Variants in PLCL2 observed in about 807,000 individuals in gnomAD.
PLCL2 encodes the protein phospholipase C like 2.
PLCL2 carries 4 observed loss-of-function variants against 79.6 expected under a neutral mutation model. The ratio of observed to expected loss-of-function variants is 0.05; its 90% CI spans 0.02 to 0.11. The LOEUF (loss-of-function observed/expected upper bound fraction) is 0.11. Ranked by LOEUF, PLCL2 falls within the 10% of genes least tolerant of loss-of-function variation. The pLI is 1.00. For missense variants in PLCL2, 895 were observed against 1,291.0 expected (o/e 0.69, Z 4.70); for synonymous variants, 484 against 457.7 (o/e 1.06, Z -0.73).
intron 1 of PLCL2, among the ~76,000 whole-genome samples, chr3:16,888,813 G>A (rs1457052810): frequency 6.6e-6 from 1 of 152,194 alleles, no homozygotes; most frequent in Non-Finnish European, 1.5e-5. Flanking sequence ...GTCTATTGCT[G>A]TGGATGATTT....
chr3:17,084,771 C>T (rs2065199758), intron 5 of PLCL2, among the ~76,000 whole-genome samples: 1 of 152,132 alleles, frequency 6.6e-6, no homozygotes, highest in Non-Finnish European at 1.5e-5. Flanking sequence ...TAGAGAGGAC[C>T]TTACTCAACT....
intron 1 of PLCL2, among the ~76,000 whole-genome samples, chr3:16,975,900 C>G (rs1325437684): frequency 1.3e-5 from 2 of 152,158 alleles, no homozygotes; most frequent in Admixed American, 6.5e-5. Context: ...GTGTAGCTCT[C>G]TTTGGCTCAG....
intron 3 of PLCL2, among the ~76,000 whole-genome samples, chr3:17,031,660 A>G (rs1272678005): frequency 6.6e-6 from 1 of 152,178 alleles, no homozygotes; most frequent in African/African-American, 2.4e-5. Flanking sequence ...AAGGTTTCCC[A>G]CAGTAATCAT....
intron 1 of PLCL2, among the ~76,000 whole-genome samples, chr3:16,906,808 T>C (rs1272533464): frequency 6.6e-6 from 1 of 152,212 alleles, no homozygotes; most frequent in Non-Finnish European, 1.5e-5. Context: ...CAGGCAATAA[T>C]TTGTGACTAG....
chr3:16,916,838 T>C (rs1225734663), intron 1 of PLCL2, among the ~76,000 whole-genome samples: 1 of 152,152 alleles, frequency 6.6e-6, no homozygotes, highest in African/African-American at 2.4e-5. Flanking sequence ...GGCTGTATGG[T>C]TACTTATATC....
At chr3:16,937,263 C>G (rs900055935) in intron 1 of PLCL2, among the ~76,000 whole-genome samples, 1 of 152,132 alleles carries the variant, frequency 6.6e-6, no homozygotes, top group African/African-American at 2.4e-5. Flanking sequence ...CCGGGAGGAA[C>G]CCTGTAACTA....
chr3:17,090,091 A>G lies in PLCL2; in HGVS notation c.*179A>G, dbSNP rs112083788. ...ATGTAGCAATCCTGCGTGTGAAGGC[A>G]AATAAACTCTTTAACAGGCAATTAT... On this transcript the variant is annotated 3_prime_UTR_variant, in exon 6 of 6. Transcript: ENST00000615277. 16 of 1,313,894 alleles carry G rather than the reference A, an allele frequency of 1.2e-5. No individual in the cohort carries two copies. The highest frequency in any genetic ancestry group is 1.2e-4 in the African/African-American group (8 of 66,992). The allele number at this position is 1,313,894 out of a possible 1,614,324, so 81.4% of individuals were successfully genotyped here.
chr3:16,941,482 A>G (rs1247107173), intron 1 of PLCL2, among the ~76,000 whole-genome samples: 1 of 152,112 alleles, frequency 6.6e-6, no homozygotes, highest in African/African-American at 2.4e-5. Context: ...GACAGTCACG[A>G]CGCCCCTGTC....
intron 5 of PLCL2, among the ~76,000 whole-genome samples, chr3:17,087,185 T>C (rs572682590): frequency 2.8e-4 from 43 of 152,166 alleles, no homozygotes; most frequent in Non-Finnish European, 5.7e-4. Context: ...GAAACTTATG[T>C]CAACACAAAA....
chr3:16,995,066 T>C (rs1049258590), intron 1 of PLCL2, among the ~76,000 whole-genome samples: 15 of 152,214 alleles, frequency 9.9e-5, no homozygotes, highest in South Asian at 6.2e-4. Context: ...AAGCAGGTGG[T>C]CACATTGTCC....
chr3:16,952,376 A>AAAAAAC (rs2063662863), intron 1 of PLCL2, among the ~76,000 whole-genome samples: 1 of 148,374 alleles, frequency 6.7e-6, no homozygotes, highest in Non-Finnish European at 1.5e-5. Context: ...AAAAAAAAAA[A>AAAAAAC]AAAAAAAAAA....
intron 1 of PLCL2, among the ~76,000 whole-genome samples, chr3:17,001,637 G>T (rs1559514007): frequency 6.6e-6 from 1 of 152,028 alleles, no homozygotes; most frequent in East Asian, 1.9e-4. Flanking sequence ...TGTTCTTGGT[G>T]CCTTTGTTGA....
At chr3:17,051,942 G>A (rs2064844090) in intron 4 of PLCL2, among the ~76,000 whole-genome samples, 1 of 152,018 alleles carries the variant, frequency 6.6e-6, no homozygotes, top group Non-Finnish European at 1.5e-5. Flanking sequence ...CAAGCACAAT[G>A]TCTCCAAGTC....
At chr3:17,086,474 A>C (rs1236864030) in intron 5 of PLCL2, among the ~76,000 whole-genome samples, 3 of 152,262 alleles carry the variant, frequency 2.0e-5, no homozygotes, top group African/African-American at 7.2e-5. Context: ...ACAAAGCTAT[A>C]GAATTCCTAG....
chr3:16,902,853 CGTGTGT>C (rs1219764598), intron 1 of PLCL2, among the ~76,000 whole-genome samples: 3 of 42,248 alleles, frequency 7.1e-5, no homozygotes, highest in East Asian at 2.4e-3. Context: ...AAATGCAGTG[CGTGTGT>C]GTGTGTGTGT....
At chr3:16,939,367 A>G (rs1293193762) in intron 1 of PLCL2, among the ~76,000 whole-genome samples, 2 of 152,220 alleles carry the variant, frequency 1.3e-5, no homozygotes, top group Non-Finnish European at 2.9e-5. Flanking sequence ...GGGACATGGA[A>G]CTATGAAAGT....
At chr3:17,088,391 A>G (rs985122472) in intron 5 of PLCL2, among the ~76,000 whole-genome samples, 2 of 152,198 alleles carry the variant, frequency 1.3e-5, no homozygotes, top group South Asian at 2.1e-4. Flanking sequence ...CAGAGGAATC[A>G]TAAAGAAAAT....
intron 1 of PLCL2, among the ~76,000 whole-genome samples, chr3:16,952,872 A>G (rs2063667086): frequency 6.6e-6 from 1 of 152,046 alleles, no homozygotes; most frequent in South Asian, 2.1e-4. Context: ...CAACTTACCG[A>G]GGGCAGCTTA....
chr3:16,993,356 T>C (rs116440969), intron 1 of PLCL2, among the ~76,000 whole-genome samples: 3,200 of 152,330 alleles, frequency 0.021, 55 homozygotes, highest in South Asian at 0.043. Context: ...TTGCAGGTGC[T>C]GGGGACCTCA....
Sources: allele counts gnomAD v4.1 joint callset (sites outside exome capture counted in the v4.1 genomes callset), GRCh38; gene constraint gnomAD v4.1.1; transcripts MANE v1.5; gene names NCBI Gene and HGNC (gene_info 2026-07-23, HGNC 2026-07-21).